Variants in CNDP1 observed in about 807,000 individuals in gnomAD.
The protein encoded by CNDP1 is carnosine dipeptidase 1.
Under a neutral mutation model 58.1 loss-of-function variants are expected in CNDP1, and 44 were observed. The ratio of observed to expected loss-of-function variants is 0.76; its 90% CI spans 0.60 to 0.97. The LOEUF is 0.97. Ranked by LOEUF, CNDP1 falls within the 50% of genes least tolerant of loss-of-function variation. CNDP1 has a pLI of 0.00. For synonymous variants in CNDP1, 254 were observed against 252.6 expected (o/e 1.01, Z -0.05); for missense variants, 616 against 655.1 (o/e 0.94, Z 0.65).
intron 1 of CNDP1, among the ~76,000 whole-genome samples, chr18:74,547,608 T>C (rs954136866): frequency 2.0e-5 from 3 of 152,176 alleles, no homozygotes; most frequent in Non-Finnish European, 4.4e-5. Flanking sequence ...TGTCAAGACC[T>C]CCATCAGCTA....
At chr18:74,573,252 CCATT>C (rs370543220) in intron 7 of CNDP1, among the ~76,000 whole-genome samples, 21 of 152,068 alleles carry the variant, frequency 1.4e-4, no homozygotes, top group Non-Finnish European at 7.4e-5. Context: ...GTCTATCCAT[CCATT>C]ATCTATCCAT....
At chr18:74,575,088 GGAAGGAAAGAAAAAA>G (rs1405920598) in intron 7 of CNDP1, among the ~76,000 whole-genome samples, 9 of 142,722 alleles carry the variant, frequency 6.3e-5, no homozygotes, top group African/African-American at 1.0e-4. Flanking sequence ...AAGAAAGGAA[GGAAGGAAAGAAAAAA>G]GAAGGAAAGA....
At chr18:74,550,348 A>G (rs1158888895) in intron 1 of CNDP1, among the ~76,000 whole-genome samples, 3 of 152,166 alleles carry the variant, frequency 2.0e-5, no homozygotes, top group Non-Finnish European at 4.4e-5. Context: ...TGGGTTTTAC[A>G]CTTGCATGGG....
intron 10 of CNDP1, among the ~76,000 whole-genome samples, chr18:74,581,137 C>T (rs1007716592): frequency 1.7e-5 from 2 of 117,938 alleles, no homozygotes; most frequent in African/African-American, 7.8e-5. Context: ...GCTTTAATGG[C>T]CTTGGGCCAG....
At chr18:74,566,660 C>G (rs9957885) in intron 5 of CNDP1, among the ~76,000 whole-genome samples, 8,361 of 152,270 alleles carry the variant, frequency 0.055, 773 homozygotes, top group African/African-American at 0.19. Context: ...TTTTATTGTC[C>G]ATATTGCTAT....
intron 5 of CNDP1, among the ~76,000 whole-genome samples, chr18:74,563,333 T>A (rs970881363): frequency 2.6e-5 from 4 of 152,164 alleles, no homozygotes; most frequent in Non-Finnish European, 4.4e-5. Context: ...GGCCTTGGTT[T>A]CTATCTCTGT....
chr18:74,548,361 C>A (rs892168982), intron 1 of CNDP1, among the ~76,000 whole-genome samples: 1 of 152,108 alleles, frequency 6.6e-6, no homozygotes, highest in Non-Finnish European at 1.5e-5. Context: ...GTGGTGCTTC[C>A]TGCTCTTGCT....
rs1399947801 is a variant in CNDP1 at position 74,551,026 on chromosome 18, A to T, written c.25-5312A>T. Among the ~76,000 whole-genome samples the T allele has an allele frequency of 2.0e-5, 3 of 152,096 alleles. No individual in the cohort carries two copies. In the East Asian group the frequency reaches 5.8e-4, roughly 29 times the overall value. On this transcript the variant is annotated intron_variant, in intron 1 of 11. Transcript: ENST00000358821. The stretch of plus-strand genomic sequence containing the variant: ...ATGTAATCCTCAATGTTGGAGGTGG[A>T]GTCTGGCGGGAGGTATTTAGGTGCT...
intron 7 of CNDP1, among the ~76,000 whole-genome samples, chr18:74,571,604 G>A (rs185795370): frequency 9.9e-4 from 150 of 152,272 alleles, no homozygotes; most frequent in African/African-American, 3.1e-3. Flanking sequence ...CTAGAATGCC[G>A]GGCCGGGTGG....
At chr18:74,541,769 C>CA (rs1980630489) in intron 1 of CNDP1, among the ~76,000 whole-genome samples, 1 of 152,154 alleles carries the variant, frequency 6.6e-6, no homozygotes, top group African/African-American at 2.4e-5. Flanking sequence ...CACAATGCCC[C>CA]AGTGTTCCAA....
At chr18:74,550,318 A>G (rs62099910) in intron 1 of CNDP1, among the ~76,000 whole-genome samples, 26,440 of 152,212 alleles carry the variant, frequency 0.17, 2,534 homozygotes, top group Middle Eastern at 0.25. Flanking sequence ...TTGGAGCTTT[A>G]AGATTTAATG....
At position 74,534,524 on chromosome 18, in the gene CNDP1, A is replaced by T. The variant is rs1980433435; in HGVS notation, c.-144A>T. Reference sequence around the variant, plus strand: ...CAGATGTGAATAGCTCCACTATACCAGCCTCGTCTTCCTTCCGGGGGACAA... The same window carrying T: ...CAGATGTGAATAGCTCCACTATACCTGCCTCGTCTTCCTTCCGGGGGACAA... On this transcript the variant is annotated 5_prime_UTR_variant, in exon 1 of 12. Coordinates refer to ENST00000358821, the MANE Select transcript of CNDP1 (RefSeq NM_032649.6). The T allele has an allele frequency of 1.3e-6, 1 of 786,672 alleles. No homozygotes were observed. The highest frequency in any genetic ancestry group is 1.7e-5 in the African/African-American group (1 of 58,678). The allele number at this position is 786,672 out of a possible 1,614,324, so 48.7% of individuals were successfully genotyped here.
intron 1 of CNDP1, among the ~76,000 whole-genome samples, chr18:74,550,748 T>G (rs964888379): frequency 1.1e-4 from 16 of 151,126 alleles, no homozygotes; most frequent in South Asian, 4.2e-4. Flanking sequence ...GACTATTTTT[T>G]TTTTTTGTTT....
In CNDP1 at chr18:74,562,038, T is replaced by C. The variant is rs1177115755; in HGVS notation, c.467-9T>C. ...CACTTCTCTGAACATTCTTCTCCCCTTTTTAAAGGGAAACTTTATGGACGA... is the reference window on the plus strand; with the variant it reads ...CACTTCTCTGAACATTCTTCTCCCCCTTTTAAAGGGAAACTTTATGGACGA... On this transcript the variant is annotated splice_polypyrimidine_tract_variant and intron_variant, in intron 4 of 11. Coordinates refer to ENST00000358821, the MANE Select transcript of CNDP1 (RefSeq NM_032649.6). 6.2e-7 allele frequency: 1 copy of C among 1,612,964 alleles called. No individual in the cohort carries two copies. The highest frequency in any genetic ancestry group is 2.2e-5 in the East Asian group (1 of 44,828).
At chr18:74,582,281 G>C (rs1981809102) in intron 10 of CNDP1, among the ~76,000 whole-genome samples, 1 of 152,200 alleles carries the variant, frequency 6.6e-6, no homozygotes. Context: ...ATCTTTCTTT[G>C]TGAATAAAGA....
chr18:74,552,424 T>A (rs911867713), intron 1 of CNDP1, among the ~76,000 whole-genome samples: 1 of 152,184 alleles, frequency 6.6e-6, no homozygotes, highest in Non-Finnish European at 1.5e-5. Flanking sequence ...TAGCACTCCC[T>A]TCCTATTTTC....
rs567441514 is a variant in CNDP1, at chr18:74,587,033, G to A, written c.*2471G>A. On this transcript the variant is annotated 3_prime_UTR_variant, in exon 12 of 12. Transcript: ENST00000358821. ...TCAGGGGGACTTTGTTGTATTGGAG[G>A]AGGGCAATGTATCTGGCTTTGTTAG... 6.6e-6 allele frequency: 1 copy of A among 152,356 alleles called. No homozygotes were observed. Among genetic ancestry groups the A allele is most frequent in the East Asian group, 1.9e-4 (1 of 5,190 alleles). The allele number at this position is 152,356 out of a possible 1,614,324, so 9.4% of individuals were successfully genotyped here. A position where few individuals can be genotyped will look rare whatever the true frequency, so the allele number is the denominator to read the frequency against.
At chr18:74,536,171 A>G (rs1189403801) in intron 1 of CNDP1, among the ~76,000 whole-genome samples, 1 of 152,194 alleles carries the variant, frequency 6.6e-6, no homozygotes, top group African/African-American at 2.4e-5. Context: ...GTTTAGCAGT[A>G]CATGTGCAGG....
chr18:74,543,856 AAG>A (rs1189701917), intron 1 of CNDP1, among the ~76,000 whole-genome samples: 7 of 151,980 alleles, frequency 4.6e-5, no homozygotes, highest in African/African-American at 1.7e-4. Flanking sequence ...AGGCCAAAGA[AAG>A]AGGATCAGTT....
Sources: gnomAD v4.1 joint callset for allele counts (sites outside exome capture counted in the v4.1 genomes callset) on GRCh38, gnomAD v4.1.1 for gene constraint, MANE v1.5 for transcripts, NCBI Gene and HGNC (gene_info 2026-07-23, HGNC 2026-07-21) for gene names.